Variants in PRRG4 observed in about 807,000 individuals in gnomAD.
PRRG4 encodes transmembrane gamma-carboxyglutamic acid protein 4.
PRRG4 carries 12 observed loss-of-function variants against 20.0 expected under a neutral mutation model. That is an observed-to-expected ratio of 0.60 (90% confidence interval 0.38 to 0.97). The LOEUF (loss-of-function observed/expected upper bound fraction) is 0.97, where lower values mean the gene tolerates loss of function less well. Among genes scored for constraint, PRRG4 ranks in the 50% least tolerant of loss-of-function variants. The pLI, the probability that PRRG4 is intolerant of heterozygous loss-of-function variation, is 0.00. For synonymous variants in PRRG4, 94 were observed against 96.4 expected, an observed-to-expected ratio of 0.98 and a Z score of 0.15; for missense variants, 199 against 265.1, an observed-to-expected ratio of 0.75 and a Z score of 1.73.
rs1490105462 is a variant in PRRG4 at position 32,848,523 on chromosome 11, A to T, written c.450-4773A>T. On this transcript the variant is annotated intron_variant, in intron 5 of 5. Coordinates refer to ENST00000257836, the MANE Select transcript of PRRG4 (RefSeq NM_024081.6). Reference sequence around the variant, plus strand: ...TGTGAGTGGAATTAATACCACTGAAATGTATACTTATGAATGATTAAAATG... The same window carrying T: ...TGTGAGTGGAATTAATACCACTGAATTGTATACTTATGAATGATTAAAATG... Among the ~76,000 whole-genome samples the T allele has an allele frequency of 2.6e-5, 4 of 151,966 alleles. No homozygotes were observed. In the East Asian group the frequency reaches 7.7e-4, roughly 29 times the overall value.
Position 32,840,018 on chromosome 11 carries a change from T to C in PRRG4, c.317-89T>C. On this transcript the variant is annotated intron_variant, in intron 4 of 5. Coordinates refer to ENST00000257836, the MANE Select transcript of PRRG4 (RefSeq NM_024081.6). This position sits in a 1 kb window ranked among gnomAD's most constrained non-coding sequence, Gnocchi z 4.1. ...ACATCAATGATTAGATGCTGTATAA[T>C]GTGTTTAGAACCAGGATTAAATTTG... The C allele has an allele frequency of 1.1e-6, 1 of 938,572 alleles. No individual in the cohort carries two copies. The highest frequency in any genetic ancestry group is 1.7e-5 in the South Asian group (1 of 59,570). 58.1% of individuals were successfully genotyped at this position (938,572 alleles called of 1,614,324 possible). A position where few individuals can be genotyped will look rare whatever the true frequency, so the allele number is the denominator to read the frequency against.
upstream of PRRG4, chr11:32,829,804 T>C (rs1191703850): frequency 4.1e-6 from 4 of 985,188 alleles, no homozygotes; most frequent in Non-Finnish European, 4.8e-6. Flanking sequence ...CTGGGGCGGC[T>C]GAGAGCGCAG....
At chr11:32,849,715 A>G (rs1851163928) in intron 5 of PRRG4, among the ~76,000 whole-genome samples, 1 of 152,162 alleles carries the variant, frequency 6.6e-6, no homozygotes, top group South Asian at 2.1e-4. Flanking sequence ...AGAAGGGAAA[A>G]GGACAAAGCC....
Position 32,840,378 on chromosome 11 carries a change from C to A in PRRG4, c.449+139C>A. On this transcript the variant is annotated intron_variant, in intron 5 of 5. Coordinates refer to ENST00000257836, the MANE Select transcript of PRRG4 (RefSeq NM_024081.6). The surrounding 1 kb of genome is among the most constrained non-coding windows in gnomAD (Gnocchi z 4.1). ...GAATTTTAGATGTATAGGGAAGTTG[C>A]AAAGGTTAATACAGAGAGTTCCCAC... The A allele has an allele frequency of 1.6e-6, 1 of 631,814 alleles. No individual in the cohort carries two copies. The highest frequency in any genetic ancestry group is 2.7e-6 in the Non-Finnish European group (1 of 368,354). The allele number at this position is 631,814 out of a possible 1,614,324, so 39.1% of individuals were successfully genotyped here.
intron 5 of PRRG4, among the ~76,000 whole-genome samples, chr11:32,844,081 G>T (rs909007901): frequency 6.6e-6 from 1 of 152,142 alleles, no homozygotes; most frequent in Non-Finnish European, 1.5e-5. Flanking sequence ...GACCACCAAG[G>T]TGTATTCTCC....
At chr11:32,837,529 GATGATGATGATGATTATTATTATTATT>G (rs1851033206) in intron 3 of PRRG4, among the ~76,000 whole-genome samples, 1 of 113,072 alleles carries the variant, frequency 8.8e-6, no homozygotes, top group South Asian at 2.9e-4. Flanking sequence ...TGATGATGAT[GATGATGATGATGATTATTATTATTATT>G]ATTATTATTA....
At chr11:32,848,983 A>AAC (rs146403529) in intron 5 of PRRG4, among the ~76,000 whole-genome samples, 47 of 149,978 alleles carry the variant, frequency 3.1e-4, no homozygotes, top group Non-Finnish European at 5.2e-4. Flanking sequence ...AAAAAAAAAA[A>AAC]AAGAATTTAA....
At chr11:32,847,881 CAAAA>C (rs1851145406) in intron 5 of PRRG4, among the ~76,000 whole-genome samples, 7 of 152,132 alleles carry the variant, frequency 4.6e-5, no homozygotes, top group Admixed American at 4.6e-4. Flanking sequence ...AAGCCAGACA[CAAAA>C]GAACAACTGT....
At chr11:32,852,265 A>G (rs993366032) in intron 5 of PRRG4, among the ~76,000 whole-genome samples, 1 of 152,226 alleles carries the variant, frequency 6.6e-6, no homozygotes. Flanking sequence ...GCTGTAAAAA[A>G]TAAGGTGTGG....
At chr11:32,850,426 A>T (rs1851171979) in intron 5 of PRRG4, among the ~76,000 whole-genome samples, 3 of 152,184 alleles carry the variant, frequency 2.0e-5, no homozygotes, top group Admixed American at 2.0e-4. Flanking sequence ...AACCCTGGAT[A>T]CCTTTTATTT....
chr11:32,850,888 G>A (rs1235759493), intron 5 of PRRG4, among the ~76,000 whole-genome samples: 1 of 152,066 alleles, frequency 6.6e-6, no homozygotes, highest in African/African-American at 2.4e-5. Context: ...TGGCCAACAT[G>A]GTGAAAACCA....
At position 32,853,785 on chromosome 11, in the gene PRRG4, G is replaced by A. The variant is rs546853914; in HGVS notation, c.*258G>A. Reference sequence around the variant, plus strand: ...AGAGGTTGCAGTAAGCTGAGATCACGCCACTGCATTCCAGCCTGGGCGACA... The same window carrying A: ...AGAGGTTGCAGTAAGCTGAGATCACACCACTGCATTCCAGCCTGGGCGACA... On this transcript the variant is annotated 3_prime_UTR_variant, in exon 6 of 6. Transcript: ENST00000257836. The A allele has an allele frequency of 2.5e-4, 93 of 367,886 alleles. No individual in the cohort carries two copies. Among genetic ancestry groups the A allele is most frequent in the Admixed American group, 7.0e-4 (17 of 24,302 alleles). The allele number at this position is 367,886 out of a possible 1,614,324, so 22.8% of individuals were successfully genotyped here.
At chr11:32,847,483 AT>A (rs757157695) in intron 5 of PRRG4, among the ~76,000 whole-genome samples, 24 of 152,194 alleles carry the variant, frequency 1.6e-4, no homozygotes, top group Non-Finnish European at 3.1e-4. Context: ...TGGAATAATA[AT>A]TTTTAAAATA....
Position 32,849,535 on chromosome 11 carries a change from G to A in PRRG4, c.450-3761G>A, listed in dbSNP as rs146637049. Among the ~76,000 whole-genome samples, 127 of 151,646 alleles carry A rather than the reference G, an allele frequency of 8.4e-4. 1 individual carries two copies. Among genetic ancestry groups the A allele is most frequent in the African/African-American group, 3.0e-3 (125 of 41,336 alleles). On this transcript the variant is annotated intron_variant, in intron 5 of 5. Coordinates refer to ENST00000257836, the MANE Select transcript of PRRG4 (RefSeq NM_024081.6). ...AAAAATTAGCCAGGCGTGGTGGTGC[G>A]CGCCTGTAATCCCAGCTACTCAGGA...
rs1851231289 is a variant in PRRG4, at chr11:32,856,936, A to G, written c.*3409A>G. ...TAGCCTGAACTTCGGGGCTCAAGCA[A>G]TCCTCCCACCTCAGCCTCCTAAGTA... On this transcript the variant is annotated 3_prime_UTR_variant, in exon 6 of 6. Coordinates refer to ENST00000257836, the MANE Select transcript of PRRG4 (RefSeq NM_024081.6). 1 of 152,086 alleles carries G rather than the reference A, an allele frequency of 6.6e-6. No individual in the cohort carries two copies. The highest frequency in any genetic ancestry group is 2.4e-5 in the African/African-American group (1 of 41,318). The allele number at this position is 152,086 out of a possible 1,614,324, so 9.4% of individuals were successfully genotyped here. A position where few individuals can be genotyped will look rare whatever the true frequency, so the allele number is the denominator to read the frequency against.
rs35350021 is a variant in PRRG4 at position 32,839,749 on chromosome 11, T to TATA, written c.317-357_317-355dup. 3.0e-3 allele frequency among the ~76,000 whole-genome samples: 361 copies of TATA among 119,962 alleles called. 1 individual carries two copies. Among genetic ancestry groups the TATA allele is most frequent in the South Asian group, 7.8e-3 (30 of 3,854 alleles). 78.7% of individuals were successfully genotyped at this position (119,962 alleles called of 152,430 possible). On this transcript the variant is annotated intron_variant, in intron 4 of 5. Coordinates refer to ENST00000257836, the MANE Select transcript of PRRG4 (RefSeq NM_024081.6). Reference sequence around the variant, plus strand: ...ATTTTGAATATTATTAAAATATAGATATATTTTGAATATTATTAAAATATA... The same window carrying TATA: ...ATTTTGAATATTATTAAAATATAGATATAATATTTTGAATATTATTAAAATATA...
Position 32,840,281 on chromosome 11 carries a change from C to G in PRRG4, c.449+42C>G. On this transcript the variant is annotated intron_variant, in intron 5 of 5. Transcript: ENST00000257836. This position sits in a 1 kb window ranked among gnomAD's most constrained non-coding sequence, Gnocchi z 4.1. ...ATTATTTAATTCATCACTAGACATT[C>G]TATATTATTATTTTAACAATGGGTC... 1 of 1,374,842 alleles carries G rather than the reference C, an allele frequency of 7.3e-7. No individual in the cohort carries two copies. The highest frequency in any genetic ancestry group is 1.0e-6 in the Non-Finnish European group (1 of 986,380). 85.2% of individuals were successfully genotyped at this position (1,374,842 alleles called of 1,614,324 possible).
rs996498848 is a variant in PRRG4 at position 32,856,062 on chromosome 11, C to T, written c.*2535C>T. 6.6e-6 allele frequency: 1 copy of T among 152,086 alleles called. No homozygotes were observed. The highest frequency in any genetic ancestry group is 2.4e-5 in the African/African-American group (1 of 41,398). The allele number at this position is 152,086 out of a possible 1,614,324, so 9.4% of individuals were successfully genotyped here. On this transcript the variant is annotated 3_prime_UTR_variant, in exon 6 of 6. Transcript: ENST00000257836. ...TACAAGCATTTCTCATATATACATA[C>T]ATTTATATATGTACATGTTACATAT...
In PRRG4 at chr11:32,840,166, G is replaced by A. The variant is rs1412737843; in HGVS notation, c.376G>A (p.Val126Ile). Residue 126 changes from valine to isoleucine, a missense_variant, in exon 5 of 6, where the codon GTA (valine) becomes ATA (isoleucine). Coordinates refer to ENST00000257836, the MANE Select transcript of PRRG4 (RefSeq NM_024081.6). This position sits in a 1 kb window ranked among gnomAD's most constrained non-coding sequence, Gnocchi z 4.1. Reference sequence around the variant, plus strand: ...TCTGACTGGATTAATTGCTGCTGGAGTATTTTTGGTTATTTTTGGATTACT... The same window carrying A: ...TCTGACTGGATTAATTGCTGCTGGAATATTTTTGGTTATTTTTGGATTACT... Reference protein sequence around the residue: ...GLLTGLIAAGVFLVIFGLLGY... With the variant: ...GLLTGLIAAGIFLVIFGLLGY... 6 of 1,607,996 alleles carry A rather than the reference G, an allele frequency of 3.7e-6. No individual in the cohort carries two copies. Among genetic ancestry groups the A allele is most frequent in the Middle Eastern group, 1.7e-4 (1 of 6,044 alleles).
Sources: allele counts gnomAD v4.1 joint callset (sites outside exome capture counted in the v4.1 genomes callset), GRCh38; gene constraint gnomAD v4.1.1; non-coding constraint Gnocchi (gnomAD v3.1); transcripts MANE v1.5; gene names NCBI Gene and HGNC (gene_info 2026-07-23, HGNC 2026-07-21).